SIMC1: variants seen among roughly 807,000 people sequenced by gnomAD.
SIMC1 encodes SUMO-interacting motif-containing protein 1.
Under a neutral mutation model 82.3 loss-of-function variants are expected in SIMC1, and 55 were observed. The observed-to-expected ratio is 0.67, with a 90% confidence interval of 0.54 to 0.84. The LOEUF (loss-of-function observed/expected upper bound fraction) is 0.84, where lower values mean the gene tolerates loss of function less well. Ranked by LOEUF, SIMC1 falls within the 40% of genes least tolerant of loss-of-function variation. The pLI is 0.00. For synonymous variants in SIMC1, 353 were observed against 426.3 expected (o/e 0.83, Z 2.12); for missense variants, 915 against 1,107.2 (o/e 0.83, Z 2.46).
At chr5:176,337,914 G>C (rs1400699119) in intron 9 of SIMC1, among the ~76,000 whole-genome samples, 1 of 152,228 alleles carries the variant, frequency 6.6e-6, no homozygotes, top group Non-Finnish European at 1.5e-5. Context: ...GAAGGTAAAT[G>C]TTGACCAGGA....
intron 7 of SIMC1, among the ~76,000 whole-genome samples, chr5:176,336,491 A>G (rs916903786): frequency 2.0e-5 from 3 of 152,172 alleles, no homozygotes; most frequent in African/African-American, 4.8e-5. Context: ...AATGTGTCCT[A>G]AACTTGTCTT....
At chr5:176,251,363 AAAAAC>A (rs1360369349) in intron 1 of SIMC1, among the ~76,000 whole-genome samples, 3 of 152,294 alleles carry the variant, frequency 2.0e-5, no homozygotes, top group East Asian at 1.9e-4. Flanking sequence ...ACTCCACCTC[AAAAAC>A]AAAACAAAAC....
chr5:176,268,806 C>CAAT (rs1364217070), intron 1 of SIMC1, among the ~76,000 whole-genome samples: 2 of 152,146 alleles, frequency 1.3e-5, no homozygotes, highest in African/African-American at 4.8e-5. Flanking sequence ...CTGAAAAACA[C>CAAT]TATTAACTAC....
chr5:176,282,189 T>C (rs934016447), intron 1 of SIMC1, among the ~76,000 whole-genome samples: 3 of 152,212 alleles, frequency 2.0e-5, no homozygotes, highest in African/African-American at 7.2e-5. Context: ...CTCAGACTGC[T>C]GTGCTAGCAA....
At chr5:176,244,857 G>T (rs1283143715) in intron 1 of SIMC1, among the ~76,000 whole-genome samples, 1 of 151,606 alleles carries the variant, frequency 6.6e-6, no homozygotes, top group East Asian at 1.9e-4. Context: ...AAGCAGCTGG[G>T]ATTACAGGCA....
chr5:176,322,208 C>CT, intron 5 of SIMC1, 65 bp from the exon 6 acceptor site: 22 of 1,487,604 alleles, frequency 1.5e-5, no homozygotes, highest in African/African-American at 2.9e-5. Flanking sequence ...CCTTTTCTTT[C>CT]TTTATTTTTT....
chr5:176,254,205 A>G (rs1761779304), intron 1 of SIMC1, among the ~76,000 whole-genome samples: 1 of 152,152 alleles, frequency 6.6e-6, no homozygotes, highest in Non-Finnish European at 1.5e-5. Context: ...CCCTTAAACC[A>G]GTTTCTGTCA....
intron 1 of SIMC1, chr5:176,270,321 A>C (rs1400200976): frequency 6.6e-6 from 1 of 152,076 alleles, no homozygotes; most frequent in Non-Finnish European, 1.5e-5. Flanking sequence ...AACTTCCTTA[A>C]AGGCATCTGT....
intron 4 of SIMC1, among the ~76,000 whole-genome samples, chr5:176,299,756 T>G (rs1243403925): frequency 2.0e-5 from 3 of 152,130 alleles, no homozygotes; most frequent in Non-Finnish European, 4.4e-5. Context: ...ACAGAGCACT[T>G]GAACAATACT....
chr5:176,329,395 C>T (rs149128218), intron 7 of SIMC1, among the ~76,000 whole-genome samples: 17,753 of 151,286 alleles, frequency 0.12, 1,096 homozygotes, highest in Admixed American at 0.15. Context: ...GGCGTGAACC[C>T]GGGAGGCGGA....
chr5:176,313,427 G>A, intron 4 of SIMC1: 1 of 1,548,696 alleles, frequency 6.5e-7, no homozygotes, highest in Non-Finnish European at 8.7e-7. Flanking sequence ...ATCTGCAGAT[G>A]CCTAGATCCT....
rs573594656 is a variant in SIMC1 at position 176,345,325 on chromosome 5, G to C, written c.2556G>C (p.Leu852=). The change falls in exon 10 of 10, where the codon CTG becomes CTC. Residue 852 remains leucine (L), a synonymous_variant. Transcript: ENST00000429602. The part of the protein sequence containing the change: ...EAFRSRLIQM[L]GEPLVPQLQD... ...TCCGCAGCCGCCTGATCCAGATGCT[G>C]GGGGAGCCTCTTGTCCCCCAACTCC... 8 of 1,613,948 alleles carry C rather than the reference G, an allele frequency of 5.0e-6. No homozygotes were observed. In the East Asian group the frequency reaches 1.8e-4, roughly 36 times the overall value.
chr5:176,289,600 G>C (rs1272484051), intron 1 of SIMC1, 54 bp from the exon 2 acceptor site: 5 of 1,391,236 alleles, frequency 3.6e-6, no homozygotes, highest in Non-Finnish European at 4.8e-6. Flanking sequence ...AGTCATCTCA[G>C]ATAAAGCTAA....
chr5:176,314,488 A>T (rs1298493735), intron 5 of SIMC1, among the ~76,000 whole-genome samples: 1 of 152,154 alleles, frequency 6.6e-6, no homozygotes, highest in Non-Finnish European at 1.5e-5. Context: ...ATTAACCTAC[A>T]TTTATTCCTA....
At position 176,322,322 on chromosome 5, in the gene SIMC1, C is replaced by T; in HGVS notation, c.1939C>T (p.Gln647Ter). 6.3e-7 allele frequency: 1 copy of T among 1,584,990 alleles called. No individual in the cohort carries two copies. The highest frequency in any genetic ancestry group is 8.6e-7 in the Non-Finnish European group (1 of 1,165,168). The change falls in exon 6 of 10, where the codon CAG (glutamine) becomes TAG (stop). Residue 647 changes from glutamine (Q) to a stop codon, truncating the protein, a stop_gained. Coordinates refer to ENST00000429602, the MANE Select transcript of SIMC1 (RefSeq NM_001308195.2). LOFTEE classifies it high-confidence loss of function. ...AGCAGTAACTGAAGATGGATTGACT[C>T]AGCCCCCAAATGGAAATCAAACGTC... ...VKAVTEDGLT[Q>*]PPNGNQTSSG...
chr5:176,314,903 T>G (rs1037475903), intron 5 of SIMC1, among the ~76,000 whole-genome samples: 3 of 152,222 alleles, frequency 2.0e-5, no homozygotes, highest in African/African-American at 7.2e-5. Flanking sequence ...GTTCAACACT[T>G]TATTATAAAA....
At chr5:176,247,304 C>T (rs961836763) in intron 1 of SIMC1, among the ~76,000 whole-genome samples, 7 of 152,172 alleles carry the variant, frequency 4.6e-5, no homozygotes, top group African/African-American at 1.7e-4. Flanking sequence ...GCCATTCTAA[C>T]TGGTGTGAGA....
intron 1 of SIMC1, among the ~76,000 whole-genome samples, chr5:176,261,927 A>G (rs982729266): frequency 2.0e-5 from 3 of 152,270 alleles, no homozygotes; most frequent in Non-Finnish European, 2.9e-5. Context: ...ATTCTCAACA[A>G]TCTTTCAGAG....
At chr5:176,333,642 C>CTGG (rs1465192755) in intron 7 of SIMC1, among the ~76,000 whole-genome samples, 5 of 152,160 alleles carry the variant, frequency 3.3e-5, no homozygotes, top group Non-Finnish European at 7.4e-5. Context: ...GTTGGCCAGG[C>CTGG]TGGTCTTGAA....
Sources: gnomAD v4.1 joint callset for allele counts (sites outside exome capture counted in the v4.1 genomes callset) on GRCh38, gnomAD v4.1.1 for gene constraint, MANE v1.5 for transcripts, NCBI Gene and HGNC (gene_info 2026-07-23, HGNC 2026-07-21) for gene names.